Variants in LRRD1 observed in about 807,000 individuals in gnomAD.
The protein encoded by LRRD1 is leucine-rich repeat and death domain-containing protein 1.
A neutral mutation model predicts 69.5 loss-of-function variants in LRRD1; 49 were observed. The observed-to-expected ratio is 0.70, with a 90% confidence interval of 0.56 to 0.89. The LOEUF (loss-of-function observed/expected upper bound fraction) is 0.89, where lower values mean the gene tolerates loss of function less well. Ranked by LOEUF, LRRD1 falls within the 40% of genes least tolerant of loss-of-function variation. LRRD1 has a pLI of 0.00. For missense variants in LRRD1, 853 were observed against 956.0 expected, an observed-to-expected ratio of 0.89 and a Z score of 1.42; for synonymous variants, 303 against 338.9, an observed-to-expected ratio of 0.89 and a Z score of 1.16.
At chr7:92,150,407 G>C (rs1313504963) in intron 4 of LRRD1, 127 bp downstream of exon 4, 20 of 751,640 alleles carry the variant, frequency 2.7e-5, no homozygotes, top group Non-Finnish European at 7.8e-6. Context: ...CGAGGCTGCA[G>C]TGAGTCGTGA....
intron 1 of LRRD1, among the ~76,000 whole-genome samples, chr7:92,177,415 TTTC>T (rs1241886702): frequency 2.6e-5 from 4 of 152,206 alleles, no homozygotes; most frequent in African/African-American, 9.7e-5. Context: ...TTGTTCAGAT[TTTC>T]TTCTTCTTCT....
intron 3 of LRRD1, among the ~76,000 whole-genome samples, chr7:92,157,016 C>T (rs1206721211): frequency 4.4e-5 from 6 of 136,498 alleles, no homozygotes; most frequent in Non-Finnish European, 7.8e-5. Flanking sequence ...TGTATTTTTT[C>T]ATATGATATT....
intron 3 of LRRD1, 131 bp downstream of exon 3, chr7:92,158,874 A>G (rs1481257513): frequency 1.5e-6 from 1 of 679,910 alleles, no homozygotes; most frequent in Non-Finnish European, 2.3e-6. Flanking sequence ...TAGGACAGTC[A>G]TTTCCTTCTA....
chr7:92,163,540 T>C lies in LRRD1; in HGVS notation c.1663A>G (p.Met555Val). ...IKKIPASISN[M>V]ISLHVLILCC... Reference sequence around the variant, plus strand: ...AAAATAAGTACGTGGAGTGATATCATATTAGAAATTGATGCTGGAATTTTC... The same window carrying C: ...AAAATAAGTACGTGGAGTGATATCACATTAGAAATTGATGCTGGAATTTTC... Residue 555 changes from methionine (M) to valine (V), a missense_variant, in exon 2 of 6, where the codon ATG (methionine) becomes GTG (valine). This residue lies in a region of LRRD1 where 739 missense variants were observed against 808.0 expected (regional missense o/e 0.91). Coordinates refer to ENST00000458448, the MANE Select transcript of LRRD1 (RefSeq NM_001161528.2). The C allele has an allele frequency of 6.6e-7, 1 of 1,526,714 alleles. No individual in the cohort carries two copies. The highest frequency in any genetic ancestry group is 8.8e-7 in the Non-Finnish European group (1 of 1,138,512). The allele number at this position is 1,526,714 out of a possible 1,614,324, so 94.6% of individuals were successfully genotyped here. A position where few individuals can be genotyped will look rare whatever the true frequency, so the allele number is the denominator to read the frequency against.
At chr7:92,149,203 T>A (rs1005592277) in intron 4 of LRRD1, among the ~76,000 whole-genome samples, 24 of 152,206 alleles carry the variant, frequency 1.6e-4, no homozygotes, top group African/African-American at 5.8e-4. Context: ...TATATGGATG[T>A]ATATTGTGAC....
intron 1 of LRRD1, among the ~76,000 whole-genome samples, chr7:92,174,511 T>G (rs6962079): frequency 1.2e-3 from 33 of 26,692 alleles, no homozygotes; most frequent in Non-Finnish European, 1.7e-3. Context: ...ATATATATAT[T>G]TTTTTTTTTT....
downstream of LRRD1, chr7:92,142,512 G>T: frequency 2.2e-6 from 1 of 456,706 alleles, no homozygotes; most frequent in Non-Finnish European, 4.4e-6. Flanking sequence ...AGATCCAAAA[G>T]AAACTGTTAA....
At chr7:92,149,050 A>G (rs201789559) in intron 4 of LRRD1, among the ~76,000 whole-genome samples, 5 of 151,888 alleles carry the variant, frequency 3.3e-5, no homozygotes, top group Non-Finnish European at 5.9e-5. Flanking sequence ...CCTGGCCAAA[A>G]ATCCCTTTTT....
At chr7:92,158,708 G>GTA (rs1788728890) in intron 3 of LRRD1, among the ~76,000 whole-genome samples, 2 of 152,152 alleles carry the variant, frequency 1.3e-5, no homozygotes, top group Non-Finnish European at 2.9e-5. Flanking sequence ...GTAGGTGTGT[G>GTA]TAGAGGAAGA....
chr7:92,148,094 C>G (rs1563188353), intron 4 of LRRD1, among the ~76,000 whole-genome samples: 1 of 152,070 alleles, frequency 6.6e-6, no homozygotes, highest in African/African-American at 2.4e-5. Context: ...GCACGTGCCA[C>G]CATGCCCAGC....
chr7:92,169,017 C>T (rs1271279532), intron 1 of LRRD1, among the ~76,000 whole-genome samples: 1 of 152,142 alleles, frequency 6.6e-6, no homozygotes, highest in African/African-American at 2.4e-5. Context: ...CTCCTGGGTT[C>T]AAGCAATTCT....
intron 1 of LRRD1, among the ~76,000 whole-genome samples, chr7:92,176,464 T>A (rs1789199490): frequency 6.6e-6 from 1 of 152,218 alleles, no homozygotes; most frequent in South Asian, 2.1e-4. Context: ...TTGCATTTTT[T>A]AACCCCTTTA....
rs750064648 is a variant in LRRD1 at position 92,164,558 on chromosome 7, T to C, written c.645A>G (p.Ile215Met). Reference protein sequence around the residue: ...SEIQLLHNLRILNVSHNHISH... With the variant: ...SEIQLLHNLRMLNVSHNHISH... ...ATATGTGGTTATGACTGACATTTAA[T>C]ATCCTTAAATTATGAAGTAACTGAA... Residue 215 changes from isoleucine to methionine, a missense_variant, in exon 2 of 6, where the codon ATA becomes ATG. Physicochemically the swap from Ile to Met is conservative, Grantham distance 10 (BLOSUM62 1). Coordinates refer to ENST00000458448, the MANE Select transcript of LRRD1 (RefSeq NM_001161528.2). 6.5e-7 allele frequency: 1 copy of C among 1,550,260 alleles called. No individual in the cohort carries two copies. The highest frequency in any genetic ancestry group is 1.2e-5 in the South Asian group (1 of 83,964).
At chr7:92,145,606 A>T (rs1482888650) in intron 5 of LRRD1, among the ~76,000 whole-genome samples, 2 of 151,782 alleles carry the variant, frequency 1.3e-5, no homozygotes, top group Non-Finnish European at 2.9e-5. Flanking sequence ...CACCGGGCTA[A>T]TTTTTTGTAT....
chr7:92,152,541 A>G (rs1210647311), intron 3 of LRRD1, among the ~76,000 whole-genome samples: 2 of 152,208 alleles, frequency 1.3e-5, no homozygotes, highest in Non-Finnish European at 2.9e-5. Flanking sequence ...AAGTGTATGT[A>G]CAACTATATA....
intron 1 of LRRD1, among the ~76,000 whole-genome samples, chr7:92,171,382 G>C (rs1789053849): frequency 6.6e-6 from 1 of 151,994 alleles, no homozygotes; most frequent in Non-Finnish European, 1.5e-5. Flanking sequence ...AATCATTAGA[G>C]ACTATTAAGA....
downstream of LRRD1, among the ~76,000 whole-genome samples, chr7:92,143,696 C>T (rs370435790): frequency 1.1e-4 from 16 of 152,186 alleles, no homozygotes; most frequent in Admixed American, 4.6e-4. Flanking sequence ...GGTTCCCGCC[C>T]GCGCCTCTCC....
chr7:92,146,406 T>TC (rs1196277454), intron 4 of LRRD1, among the ~76,000 whole-genome samples: 3 of 151,576 alleles, frequency 2.0e-5, no homozygotes, highest in African/African-American at 7.3e-5. Context: ...TCACCTGAGA[T>TC]CAGGAGTTCA....
intron 2 of LRRD1, among the ~76,000 whole-genome samples, chr7:92,159,939 C>T (rs7799146): frequency 0.11 from 17,400 of 152,092 alleles, 1,137 homozygotes; most frequent in East Asian, 0.36. Context: ...TTTTATTCAT[C>T]ATTTGTGTGC....
Sources: allele counts gnomAD v4.1 joint callset (sites outside exome capture counted in the v4.1 genomes callset), GRCh38; gene constraint gnomAD v4.1.1; regional missense constraint gnomAD v4.1.1; transcripts MANE v1.5; gene names NCBI Gene and HGNC (gene_info 2026-07-23, HGNC 2026-07-21).